TRIB2: variants seen among roughly 807,000 people sequenced by gnomAD.
TRIB2 encodes the protein tribbles homolog 2.
TRIB2 carries 2 observed loss-of-function variants against 26.8 expected under a neutral mutation model. The observed-to-expected ratio is 0.07, with a 90% confidence interval of 0.03 to 0.24. The LOEUF (loss-of-function observed/expected upper bound fraction) is 0.24. Among genes scored for constraint, TRIB2 ranks in the 10% least tolerant of loss-of-function variants. The probability of loss-of-function intolerance (pLI) is 1.00; values close to 1 mark genes in which losing one functional copy is unlikely to be tolerated. For missense variants in TRIB2, 306 were observed against 449.0 expected, an observed-to-expected ratio of 0.68 and a Z score of 2.88; for synonymous variants, 189 against 187.3, an observed-to-expected ratio of 1.01 and a Z score of -0.08.
At position 12,719,316 on chromosome 2, in the gene TRIB2, G is replaced by T. The variant is rs376900570; in HGVS notation, c.270+739G>T. On this transcript the variant is annotated intron_variant, in intron 1 of 2. Transcript: ENST00000155926. ...TTGCCTGTAAGGTTAAGAGGCTCCC[G>T]TTTGGAGCCCTAGGGATCCGCAGTG... Among the ~76,000 whole-genome samples the T allele has an allele frequency of 5.9e-5, 9 of 152,028 alleles. No individual in the cohort carries two copies. In the East Asian group the frequency reaches 1.4e-3, roughly 23 times the overall value.
chr2:12,720,274 T>C (rs1661175676), intron 1 of TRIB2, among the ~76,000 whole-genome samples: 1 of 152,244 alleles, frequency 6.6e-6, no homozygotes. Context: ...ACTTGTGCTC[T>C]GGCCTCAAAT....
At chr2:12,733,478 A>G (rs1472987754) in intron 2 of TRIB2, among the ~76,000 whole-genome samples, 1 of 152,194 alleles carries the variant, frequency 6.6e-6, no homozygotes, top group East Asian at 1.9e-4. Context: ...CAGCTTGTTC[A>G]GTTTCTCTGT....
chr2:12,721,937 GA>G (rs2103249737), intron 1 of TRIB2, among the ~76,000 whole-genome samples: 1 of 152,310 alleles, frequency 6.6e-6, no homozygotes, highest in African/African-American at 2.4e-5. Context: ...GCATGCATTT[GA>G]GAACGGGCAT....
chr2:12,724,880 A>T, intron 2 of TRIB2: 1 of 1,577,082 alleles, frequency 6.3e-7, no homozygotes, highest in East Asian at 2.2e-5. Context: ...TGACAAAGGT[A>T]TTCTCTCTAC....
At position 12,740,142 on chromosome 2, in the gene TRIB2, C is replaced by A. The variant is rs1308257454; in HGVS notation, c.564-184C>A. 6.6e-6 allele frequency among the ~76,000 whole-genome samples: 1 copy of A among 152,186 alleles called. No individual in the cohort carries two copies. Among genetic ancestry groups the A allele is most frequent in the South Asian group, 2.1e-4 (1 of 4,818 alleles). On this transcript the variant is annotated intron_variant, in intron 2 of 2. Coordinates refer to ENST00000155926, the MANE Select transcript of TRIB2 (RefSeq NM_021643.4). The surrounding 1 kb of genome is among the most constrained non-coding windows in gnomAD (Gnocchi z 5.8). ...TTCACCCATGTGGGTGTCCTCAGCC[C>A]TGGAATAGTAGCTGGCAGCTAGAAG... is the stretch of plus-strand genomic sequence containing the variant.
chr2:12,732,370 A>G lies in TRIB2; in HGVS notation c.564-7956A>G, dbSNP rs574299213. Among the ~76,000 whole-genome samples the G allele has an allele frequency of 3.3e-5, 5 of 152,262 alleles. No homozygotes were observed. Among genetic ancestry groups the G allele is most frequent in the Admixed American group, 6.5e-5 (1 of 15,288 alleles). On this transcript the variant is annotated intron_variant, in intron 2 of 2. Transcript: ENST00000155926. This position sits in a 1 kb window ranked among gnomAD's most constrained non-coding sequence, Gnocchi z 4.2. ...CCTTCATCTGTCTCTAAGCTGCTGT[A>G]GTCTCCTGCATCAAATCGGTGTGGG...
intron 2 of TRIB2, among the ~76,000 whole-genome samples, chr2:12,731,598 A>C (rs1355692416): frequency 6.6e-6 from 1 of 152,110 alleles, no homozygotes; most frequent in East Asian, 1.9e-4. Flanking sequence ...AATGAGGAGG[A>C]GAGTGGGCTT....
chr2:12,720,227 ATTTCAC>A (rs1661175095), intron 1 of TRIB2, among the ~76,000 whole-genome samples: 1 of 152,202 alleles, frequency 6.6e-6, no homozygotes, highest in Non-Finnish European at 1.5e-5. Context: ...TGCAAGACAT[ATTTCAC>A]TTTGGGCTGA....
rs1322529861 is a variant in TRIB2 at position 12,740,864 on chromosome 2, G to C, written c.*70G>C. The C allele has an allele frequency of 6.4e-6, 9 of 1,408,404 alleles. No homozygotes were observed. The highest frequency in any genetic ancestry group is 2.0e-6 in the Non-Finnish European group (2 of 1,024,772). 87.2% of individuals were successfully genotyped at this position (1,408,404 alleles called of 1,614,324 possible). On this transcript the variant is annotated 3_prime_UTR_variant, in exon 3 of 3. Transcript: ENST00000155926. This position sits in a 1 kb window ranked among gnomAD's most constrained non-coding sequence, Gnocchi z 5.8. ...GGCAGCGGAAAGGAGTTCTTCCGGG[G>C]GACACGAATTGCCTGGCTGAGTAGC... is the stretch of plus-strand genomic sequence containing the variant.
Position 12,718,627 on chromosome 2 carries a change from C to T in TRIB2, c.270+50C>T. ...TGTCTTTGGAAGGGGCCCGAGGGAG[C>T]GGGAGGGCGCCAGGCCCTCGAGTCT... On this transcript the variant is annotated intron_variant, in intron 1 of 2. Coordinates refer to ENST00000155926, the MANE Select transcript of TRIB2 (RefSeq NM_021643.4). The surrounding 1 kb of genome is among the most constrained non-coding windows in gnomAD (Gnocchi z 4.0). 5 of 1,588,322 alleles carry T rather than the reference C, an allele frequency of 3.1e-6. No homozygotes were observed. Among genetic ancestry groups the T allele is most frequent in the Non-Finnish European group, 4.3e-6 (5 of 1,163,032 alleles).
chr2:12,724,692 C>T (rs1436695122), intron 2 of TRIB2: 1 of 1,612,926 alleles, frequency 6.2e-7, no homozygotes, highest in Admixed American at 1.7e-5. Flanking sequence ...CCTCTGTGAT[C>T]TTGGATTGGT....
chr2:12,730,868 A>G (rs1661437431), intron 2 of TRIB2, among the ~76,000 whole-genome samples: 1 of 152,210 alleles, frequency 6.6e-6, no homozygotes, highest in South Asian at 2.1e-4. Context: ...TCTCTAAATC[A>G]TGAAACCGAG....
intron 2 of TRIB2, among the ~76,000 whole-genome samples, chr2:12,734,454 G>A (rs992435333): frequency 2.0e-5 from 3 of 152,080 alleles, no homozygotes; most frequent in East Asian, 1.9e-4. Context: ...AGGAAGGAAC[G>A]AGAATTCACA....
chr2:12,723,409 C>G lies in TRIB2; in HGVS notation c.420C>G (p.Phe140Leu). ...GAAGCTATGGGGACATGCATTCCTT[C>G]GTCCGCACCTGCAAGAAGCTGAGAG... Reference protein sequence around the residue: ...FERSYGDMHSFVRTCKKLREE... With the variant: ...FERSYGDMHSLVRTCKKLREE... Residue 140 changes from phenylalanine to leucine, a missense_variant, in exon 2 of 3, where the codon TTC becomes TTG. Coordinates refer to ENST00000155926, the MANE Select transcript of TRIB2 (RefSeq NM_021643.4). The G allele has an allele frequency of 6.2e-7, 1 of 1,614,234 alleles. No homozygotes were observed.
chr2:12,719,131 G>A (rs1458791706), intron 1 of TRIB2, among the ~76,000 whole-genome samples: 1 of 152,138 alleles, frequency 6.6e-6, no homozygotes, highest in African/African-American at 2.4e-5. Context: ...CTTCTGCCTG[G>A]AGCCTTGAAA....
chr2:12,731,365 C>A (rs934828224), intron 2 of TRIB2, among the ~76,000 whole-genome samples: 1 of 152,150 alleles, frequency 6.6e-6, no homozygotes. Context: ...ACACACCCCT[C>A]ACCTCCAACT....
At chr2:12,725,624 G>A (rs761172242) in intron 2 of TRIB2, among the ~76,000 whole-genome samples, 2 of 152,190 alleles carry the variant, frequency 1.3e-5, no homozygotes, top group Non-Finnish European at 2.9e-5. Flanking sequence ...CTGACATTCC[G>A]TCTGGAAGTT....
In TRIB2 at chr2:12,723,124, C is replaced by T. The variant is rs918858664; in HGVS notation, c.271-136C>T. 6 of 929,906 alleles carry T rather than the reference C, an allele frequency of 6.5e-6. No individual in the cohort carries two copies. The African/African-American group carries it at 1.0e-4, about 15-fold the overall frequency. 57.6% of individuals were successfully genotyped at this position (929,906 alleles called of 1,614,324 possible). ...GCCACACAGCTGGTAGGAGGCAGGG[C>T]CAATGTGGTCTGGGTCCAAGTTCAG... On this transcript the variant is annotated intron_variant, in intron 1 of 2. Coordinates refer to ENST00000155926, the MANE Select transcript of TRIB2 (RefSeq NM_021643.4).
chr2:12,722,157 C>T (rs1661233391), intron 1 of TRIB2, among the ~76,000 whole-genome samples: 1 of 152,166 alleles, frequency 6.6e-6, no homozygotes, highest in Non-Finnish European at 1.5e-5. Context: ...CAGCATATTT[C>T]CTACCACACT....
Sources: allele counts gnomAD v4.1 joint callset (sites outside exome capture counted in the v4.1 genomes callset), GRCh38; gene constraint gnomAD v4.1.1; non-coding constraint Gnocchi (gnomAD v3.1); transcripts MANE v1.5; gene names NCBI Gene and HGNC (gene_info 2026-07-23, HGNC 2026-07-21).